The following NRXN3 variants were observed in gnomAD, a reference collection of about 807,000 sequenced individuals.
The protein encoded by NRXN3 is neurexin 3.
Under a neutral mutation model 137.6 loss-of-function variants are expected in NRXN3, and 32 were observed. The observed-to-expected ratio is 0.23, with a 90% CI of 0.18 to 0.31. The LOEUF is 0.31. NRXN3 is among the 10% of genes least tolerant of loss of function. NRXN3 has a pLI of 1.00. For synonymous variants in NRXN3, 798 were observed against 784.5 expected, an observed-to-expected ratio of 1.02 and a Z score of -0.29; for missense variants, 1,574 against 2,062.5, an observed-to-expected ratio of 0.76 and a Z score of 4.59.
chr14:78,224,070 C>T (rs2064179319), intron 1 of NRXN3, among the ~76,000 whole-genome samples: 1 of 152,014 alleles, frequency 6.6e-6, no homozygotes, highest in African/African-American at 2.4e-5. Flanking sequence ...GGGTCCCACA[C>T]CATCGAAAAT....
chr14:78,227,164 C>T (rs945890080), intron 1 of NRXN3, among the ~76,000 whole-genome samples: 8 of 151,320 alleles, frequency 5.3e-5, no homozygotes, highest in African/African-American at 1.9e-4. Flanking sequence ...ATGTATTTTG[C>T]CACCTTATCT....
intron 10 of NRXN3, among the ~76,000 whole-genome samples, chr14:78,819,479 GT>G (rs1007177158): frequency 1.3e-5 from 2 of 152,068 alleles, no homozygotes; most frequent in African/African-American, 4.8e-5. Context: ...GATGTACATA[GT>G]TTATATGCAC....
chr14:78,212,846 T>C (rs1216935106), intron 1 of NRXN3, among the ~76,000 whole-genome samples: 1 of 152,204 alleles, frequency 6.6e-6, no homozygotes, highest in Non-Finnish European at 1.5e-5. Context: ...AACTTTTTTT[T>C]GGTCAAATGA....
chr14:78,983,438 T>C (rs552391126), intron 14 of NRXN3, among the ~76,000 whole-genome samples: 6 of 152,232 alleles, frequency 3.9e-5, no homozygotes, highest in African/African-American at 1.4e-4. Context: ...ATGTGGTATA[T>C]GTACACGATG....
At chr14:78,956,877 T>A (rs1335022144) in intron 10 of NRXN3, among the ~76,000 whole-genome samples, 1 of 152,208 alleles carries the variant, frequency 6.6e-6, no homozygotes, top group Non-Finnish European at 1.5e-5. Context: ...CTATGGTAAA[T>A]TTCCTATATC....
At chr14:78,867,384 G>T (rs921084915) in intron 10 of NRXN3, among the ~76,000 whole-genome samples, 1 of 152,098 alleles carries the variant, frequency 6.6e-6, no homozygotes, top group Non-Finnish European at 1.5e-5. Context: ...TTTTTAAAAA[G>T]ATGTCTATTC....
intron 4 of NRXN3, among the ~76,000 whole-genome samples, chr14:78,625,718 T>G (rs572812656): frequency 6.6e-6 from 1 of 152,298 alleles, no homozygotes; most frequent in South Asian, 2.1e-4. Context: ...TCCTCAGAAC[T>G]TCCCCAGGCT....
At chr14:78,640,601 TGAA>T (rs1241148309) in intron 4 of NRXN3, among the ~76,000 whole-genome samples, 1 of 152,234 alleles carries the variant, frequency 6.6e-6, no homozygotes, top group Non-Finnish European at 1.5e-5. Flanking sequence ...GGGAAAGAAG[TGAA>T]GAACAGAATT....
intron 10 of NRXN3, among the ~76,000 whole-genome samples, chr14:78,845,934 G>T (rs995425498): frequency 6.6e-6 from 1 of 150,996 alleles, no homozygotes; most frequent in African/African-American, 2.4e-5. Flanking sequence ...GTGTGTGTGT[G>T]TGTATGTGTG....
chr14:78,532,886 C>T (rs2096487627), intron 4 of NRXN3, among the ~76,000 whole-genome samples: 1 of 152,068 alleles, frequency 6.6e-6, no homozygotes, highest in African/African-American at 2.4e-5. Flanking sequence ...TTTACCATTT[C>T]TGCATGTGAC....
chr14:79,339,417 C>T (rs1228828742), intron 15 of NRXN3, among the ~76,000 whole-genome samples: 1 of 152,186 alleles, frequency 6.6e-6, no homozygotes, highest in African/African-American at 2.4e-5. Context: ...CAGGTGGAGC[C>T]TGAGAATTTT....
chr14:79,598,928 A>C (rs2097892318), intron 16 of NRXN3, among the ~76,000 whole-genome samples: 2 of 152,106 alleles, frequency 1.3e-5, no homozygotes. Context: ...AGCAGTGCAG[A>C]CTCTCATGTA....
At chr14:79,702,938 A>AT (rs376737826) in intron 19 of NRXN3, among the ~76,000 whole-genome samples, 56 of 143,610 alleles carry the variant, frequency 3.9e-4, no homozygotes, top group African/African-American at 1.4e-3. Flanking sequence ...AAAAAAAAAA[A>AT]GCTCAGTGTG....
chr14:78,457,230 G>A (rs1010921366), intron 4 of NRXN3, among the ~76,000 whole-genome samples: 2 of 152,052 alleles, frequency 1.3e-5, no homozygotes, highest in South Asian at 4.2e-4. Flanking sequence ...GTAGAGACTG[G>A]GTTTTGCCAT....
chr14:79,451,971 A>G (rs912424200), intron 15 of NRXN3, among the ~76,000 whole-genome samples: 20 of 152,276 alleles, frequency 1.3e-4, no homozygotes, highest in Middle Eastern at 3.4e-3. Flanking sequence ...TGCTTTGGAG[A>G]ATCTTCTTGC....
At position 79,233,265 on chromosome 14, in the gene NRXN3, A is replaced by C. The variant is rs545224523; in HGVS notation, c.3263-233956A>C. ...GATGGAATTCTTTCATCCCTAGCTC[A>C]TTACTACATTTACCCTTCAACAAAC... On this transcript the variant is annotated intron_variant, in intron 15 of 20. Coordinates refer to ENST00000335750, the MANE Select transcript of NRXN3 (RefSeq NM_001330195.2). Among the ~76,000 whole-genome samples, 20 of 152,274 alleles carry C rather than the reference A, an allele frequency of 1.3e-4. 1 individual carries two copies. Among genetic ancestry groups the C allele is most frequent in the South Asian group, 4.1e-4 (2 of 4,824 alleles).
chr14:79,711,179 A>ATGTT (rs2098802701), intron 19 of NRXN3, among the ~76,000 whole-genome samples: 2 of 152,342 alleles, frequency 1.3e-5, no homozygotes, highest in South Asian at 4.1e-4. Flanking sequence ...TAAATTTGCA[A>ATGTT]TGTTTATGGC....
At chr14:78,532,252 CG>C (rs573044007) in intron 4 of NRXN3, among the ~76,000 whole-genome samples, 104 of 150,514 alleles carry the variant, frequency 6.9e-4, no homozygotes, top group African/African-American at 2.4e-3. Flanking sequence ...ACCCAGGAGG[CG>C]GAAGTTCTGG....
At chr14:79,339,365 G>A (rs2092467199) in intron 15 of NRXN3, among the ~76,000 whole-genome samples, 1 of 152,232 alleles carries the variant, frequency 6.6e-6, no homozygotes, top group Non-Finnish European at 1.5e-5. Flanking sequence ...AGGAGGGCTT[G>A]TTAAGAAACA....
Sources: gnomAD v4.1 joint callset for allele counts (sites outside exome capture counted in the v4.1 genomes callset) on GRCh38, gnomAD v4.1.1 for gene constraint, MANE v1.5 for transcripts, NCBI Gene and HGNC (gene_info 2026-07-23, HGNC 2026-07-21) for gene names.